The following GREB1L variants were observed in gnomAD, a reference collection of about 807,000 sequenced individuals.
The protein encoded by GREB1L is GREB1 like retinoic acid receptor coactivator, also known as GREB1-like protein.
GREB1L carries 17 observed loss-of-function variants against 200.8 expected under a neutral mutation model. That is an observed-to-expected ratio of 0.08 (90% CI 0.06 to 0.13). GREB1L has a LOEUF of 0.13. Among genes scored for constraint, GREB1L ranks in the 10% least tolerant of loss-of-function variants. The probability of loss-of-function intolerance (pLI) is 1.00; values close to 1 mark genes in which losing one functional copy is unlikely to be tolerated. For missense variants in GREB1L, 1,657 were observed against 2,367.7 expected, an observed-to-expected ratio of 0.70 and a Z score of 6.23; for synonymous variants, 789 against 893.0, an observed-to-expected ratio of 0.88 and a Z score of 2.08.
intron 1 of GREB1L, among the ~76,000 whole-genome samples, chr18:21,268,522 T>TACACACACACAC (rs773384876): frequency 7.7e-5 from 5 of 65,162 alleles, no homozygotes; most frequent in Non-Finnish European, 1.2e-4. Flanking sequence ...TATATATATA[T>TACACACACACAC]ACACACACAC....
Position 21,500,118 on chromosome 18 carries a change from G to C in GREB1L, c.3781G>C (p.Asp1261His). The C allele has an allele frequency of 1.3e-6, 2 of 1,551,686 alleles. No individual in the cohort carries two copies. Among genetic ancestry groups the C allele is most frequent in the Non-Finnish European group, 8.7e-7 (1 of 1,147,022 alleles). ...PSSSSLLPHA[D>H]VAWVSSLRPL... ...CTCCTCCTCCCTGCTGCCCCACGCCGACGTGGCCTGGGTGAGCTCCCTGCG... is the reference window on the plus strand; with the variant it reads ...CTCCTCCTCCCTGCTGCCCCACGCCCACGTGGCCTGGGTGAGCTCCCTGCG... Residue 1261 changes from aspartate (D) to histidine (H), a missense_variant, in exon 22 of 33, where the codon GAC becomes CAC. Physicochemically the swap from Asp to His is moderately conservative, Grantham distance 81. Around this residue, in one of 9 missense-constraint regions of GREB1L, gnomAD observed 512 missense variants for 668.3 expected, o/e 0.77. Transcript: ENST00000424526.
At chr18:21,273,570 A>G (rs1357315079) in intron 1 of GREB1L, among the ~76,000 whole-genome samples, 4 of 152,238 alleles carry the variant, frequency 2.6e-5, no homozygotes, top group African/African-American at 7.2e-5. Flanking sequence ...CTGTAATTAT[A>G]TAATTAAATG....
chr18:21,489,443 A>G (rs1214415994), intron 18 of GREB1L, among the ~76,000 whole-genome samples: 4 of 152,190 alleles, frequency 2.6e-5, no homozygotes, highest in African/African-American at 4.8e-5. Context: ...TTTTATGTCT[A>G]ATACTCGACA....
intron 17 of GREB1L, among the ~76,000 whole-genome samples, chr18:21,481,800 T>A (rs1258885418): frequency 6.6e-6 from 1 of 152,178 alleles, no homozygotes; most frequent in Admixed American, 6.5e-5. Context: ...AATTTGCAGT[T>A]TTCATGAATC....
At chr18:21,515,331 T>C (rs2037379492) in intron 28 of GREB1L, 86 bp from the exon 29 acceptor site, 5 of 847,036 alleles carry the variant, frequency 5.9e-6, no homozygotes, top group South Asian at 5.1e-5. Context: ...AGAGTATTAC[T>C]GGTATATAGT....
At chr18:21,476,341 G>A (rs1260710284) in intron 16 of GREB1L, among the ~76,000 whole-genome samples, 2 of 152,092 alleles carry the variant, frequency 1.3e-5, no homozygotes, top group African/African-American at 4.8e-5. Context: ...GCCATACATA[G>A]GTATAAATAA....
intron 12 of GREB1L, among the ~76,000 whole-genome samples, chr18:21,450,385 C>CA (rs2034460736): frequency 6.6e-6 from 1 of 152,176 alleles, no homozygotes; most frequent in African/African-American, 2.4e-5. Context: ...ATTTGGACTA[C>CA]ATTTTGCTTC....
chr18:21,390,684 C>T (rs933136535), intron 4 of GREB1L, among the ~76,000 whole-genome samples: 16 of 152,100 alleles, frequency 1.1e-4, no homozygotes, highest in South Asian at 2.1e-4. Flanking sequence ...CTACAGGCGC[C>T]CACCACCATG....
intron 1 of GREB1L, among the ~76,000 whole-genome samples, chr18:21,301,985 G>A (rs1342442727): frequency 3.9e-5 from 6 of 152,230 alleles, no homozygotes; most frequent in Non-Finnish European, 7.3e-5. Flanking sequence ...CTCAGGAAGA[G>A]AGGCTGAGAA....
At chr18:21,246,548 C>T (rs1036368016) in intron 1 of GREB1L, among the ~76,000 whole-genome samples, 10 of 152,068 alleles carry the variant, frequency 6.6e-5, no homozygotes, top group Admixed American at 4.6e-4. Context: ...TATAGTTTTC[C>T]AAACTGAGTG....
At chr18:21,365,138 TAAGAG>T (rs745904411) in intron 1 of GREB1L, among the ~76,000 whole-genome samples, 25 of 152,190 alleles carry the variant, frequency 1.6e-4, no homozygotes, top group African/African-American at 4.1e-4. Context: ...CAAGTCGGCA[TAAGAG>T]AAAAGTAAAA....
chr18:21,247,512 T>C (rs2037626691), intron 1 of GREB1L, among the ~76,000 whole-genome samples: 1 of 152,162 alleles, frequency 6.6e-6, no homozygotes, highest in African/African-American at 2.4e-5. Flanking sequence ...TTGTGTCCTG[T>C]ATTCCCGTGT....
At chr18:21,292,957 A>ATTTATG (rs2144604685) in intron 1 of GREB1L, among the ~76,000 whole-genome samples, 1 of 152,308 alleles carries the variant, frequency 6.6e-6, no homozygotes, top group African/African-American at 2.4e-5. Flanking sequence ...TAAGGTTTAG[A>ATTTATG]TTTATGTTGA....
At chr18:21,340,102 A>G (rs963120664) in intron 1 of GREB1L, among the ~76,000 whole-genome samples, 6 of 152,208 alleles carry the variant, frequency 3.9e-5, no homozygotes, top group African/African-American at 1.4e-4. Context: ...CCACTACCAC[A>G]ACCCCTCATT....
intron 1 of GREB1L, among the ~76,000 whole-genome samples, chr18:21,275,771 C>T (rs577537311): frequency 1.3e-5 from 2 of 152,216 alleles, no homozygotes; most frequent in Non-Finnish European, 2.9e-5. Context: ...CATCCTAGAC[C>T]AAATCCAGTC....
At chr18:21,478,147 GT>G (rs2035781871) in intron 17 of GREB1L, among the ~76,000 whole-genome samples, 1 of 152,080 alleles carries the variant, frequency 6.6e-6, no homozygotes, top group South Asian at 2.1e-4. Context: ...CTGGGTTTTT[GT>G]TTTAAATCAG....
At chr18:21,280,633 G>C (rs187558716) in intron 1 of GREB1L, among the ~76,000 whole-genome samples, 2 of 152,168 alleles carry the variant, frequency 1.3e-5, no homozygotes, top group East Asian at 3.9e-4. Context: ...CATCTCGAAT[G>C]TATTAATGAA....
intron 7 of GREB1L, among the ~76,000 whole-genome samples, chr18:21,427,821 C>A (rs1333573918): frequency 6.6e-6 from 1 of 152,166 alleles, no homozygotes; most frequent in Non-Finnish European, 1.5e-5. Context: ...TTCCTTCAAA[C>A]CTGGATACAT....
chr18:21,316,664 T>A (rs1307394573), intron 1 of GREB1L, among the ~76,000 whole-genome samples: 1 of 152,058 alleles, frequency 6.6e-6, no homozygotes, highest in Non-Finnish European at 1.5e-5. Flanking sequence ...TAATAGATAA[T>A]AGTTTCAGAA....
Sources: gnomAD v4.1 joint callset for allele counts (sites outside exome capture counted in the v4.1 genomes callset) on GRCh38, gnomAD v4.1.1 for gene constraint, gnomAD v4.1.1 regional missense constraint, MANE v1.5 for transcripts, NCBI Gene and HGNC (gene_info 2026-07-23, HGNC 2026-07-21) for gene names.